Variants in TRIO observed in about 807,000 individuals in gnomAD.
TRIO encodes the protein triple functional domain protein.
Under a neutral mutation model 351.9 loss-of-function variants are expected in TRIO, and 58 were observed. The observed-to-expected ratio is 0.16, with a 90% CI of 0.13 to 0.21. The LOEUF (loss-of-function observed/expected upper bound fraction) is 0.21. TRIO is among the 10% of genes least tolerant of loss of function. The pLI is 1.00. For synonymous variants in TRIO, 1,758 were observed against 1,595.7 expected (o/e 1.10, Z -2.42); for missense variants, 3,201 against 4,027.8 (o/e 0.79, Z 5.56).
intron 18 of TRIO, 93 bp from the exon 19 acceptor site, chr5:14,374,136 G>T: frequency 3.7e-6 from 3 of 815,894 alleles, no homozygotes; most frequent in Non-Finnish European, 5.8e-6. Flanking sequence ...AATATTTTAG[G>T]TAAAGACATA....
At chr5:14,445,444 C>T (rs1318017144) in intron 34 of TRIO, among the ~76,000 whole-genome samples, 1 of 152,192 alleles carries the variant, frequency 6.6e-6, no homozygotes, top group Non-Finnish European at 1.5e-5. Flanking sequence ...TCACGTTGGA[C>T]ACATCTTCTA....
Position 14,297,115 on chromosome 5 carries a change from G to T in TRIO, c.1220G>T (p.Arg407Leu), listed in dbSNP as rs775000376. 2.2e-5 allele frequency: 36 copies of T among 1,613,944 alleles called. No homozygotes were observed. ...NINRIMSVAN[R>L]LVESGHYASQ... ...AACCGCATCATGTCGGTGGCCAATCGTCTGGTGGAGTCTGGCCACTATGCC... is the reference window on the plus strand; with the variant it reads ...AACCGCATCATGTCGGTGGCCAATCTTCTGGTGGAGTCTGGCCACTATGCC... Residue 407 changes from arginine to leucine, a missense_variant, in exon 7 of 57, where the codon CGT becomes CTT. Around this residue, in one of 19 missense-constraint regions of TRIO, gnomAD observed 349 missense variants for 449.3 expected, o/e 0.78. Coordinates refer to ENST00000344204, the MANE Select transcript of TRIO (RefSeq NM_007118.4).
intron 1 of TRIO, among the ~76,000 whole-genome samples, chr5:14,167,337 C>G (rs1396521805): frequency 6.6e-6 from 1 of 151,848 alleles, no homozygotes; most frequent in Non-Finnish European, 1.5e-5. Flanking sequence ...GCCCTGTCTC[C>G]CCATTTCCAT....
At chr5:14,261,675 C>A (rs1795352726) in intron 1 of TRIO, among the ~76,000 whole-genome samples, 1 of 152,198 alleles carries the variant, frequency 6.6e-6, no homozygotes, top group African/African-American at 2.4e-5. Flanking sequence ...GACACCACTT[C>A]CCTGAAGGCT....
chr5:14,371,960 C>A (rs1005322468), intron 18 of TRIO, among the ~76,000 whole-genome samples: 1 of 152,134 alleles, frequency 6.6e-6, no homozygotes, highest in African/African-American at 2.4e-5. Flanking sequence ...TCTTTTTATA[C>A]ATGGTTTTAA....
chr5:14,168,150 G>A (rs983700443), intron 1 of TRIO, among the ~76,000 whole-genome samples: 8 of 152,118 alleles, frequency 5.3e-5, no homozygotes, highest in Non-Finnish European at 8.8e-5. Flanking sequence ...GAAAAATGGC[G>A]GTGTTCACAG....
intron 33 of TRIO, among the ~76,000 whole-genome samples, chr5:14,410,608 G>C (rs1749117049): frequency 2.6e-5 from 4 of 152,204 alleles, no homozygotes; most frequent in African/African-American, 9.6e-5. Context: ...CTTAATTTAT[G>C]ATGTCTGTTA....
At chr5:14,409,630 C>T (rs924416728) in intron 33 of TRIO, among the ~76,000 whole-genome samples, 6 of 151,946 alleles carry the variant, frequency 3.9e-5, no homozygotes, top group Non-Finnish European at 7.4e-5. Flanking sequence ...GTCAGGAGAT[C>T]GAGACCATCC....
chr5:14,388,988 T>C (rs1746809446), intron 24 of TRIO, among the ~76,000 whole-genome samples: 1 of 152,224 alleles, frequency 6.6e-6, no homozygotes, highest in African/African-American at 2.4e-5. Context: ...GCCTACTAAT[T>C]ATGACTGGCA....
chr5:14,261,192 T>C (rs1795320686), intron 1 of TRIO, among the ~76,000 whole-genome samples: 1 of 152,226 alleles, frequency 6.6e-6, no homozygotes, highest in African/African-American at 2.4e-5. Flanking sequence ...TCAGTTCCTT[T>C]TTCTTCTGGA....
chr5:14,186,834 T>G (rs1030078530), intron 1 of TRIO, among the ~76,000 whole-genome samples: 1 of 152,252 alleles, frequency 6.6e-6, no homozygotes, highest in African/African-American at 2.4e-5. Flanking sequence ...TGTCTCGGCC[T>G]CCCAAAATGC....
intron 4 of TRIO, 37 bp from the exon 5 acceptor site, chr5:14,290,679 G>T (rs1000544864): frequency 6.5e-7 from 1 of 1,544,104 alleles, no homozygotes; most frequent in Admixed American, 2.0e-5. Context: ...ATATAAAATT[G>T]GTTCATCTTC....
Position 14,488,178 on chromosome 5 carries a change from C to G in TRIO, c.7550C>G (p.Ala2517Gly). 2 of 1,601,442 alleles carry G rather than the reference C, an allele frequency of 1.2e-6. No individual in the cohort carries two copies. Among genetic ancestry groups the G allele is most frequent in the Non-Finnish European group, 1.7e-6 (2 of 1,178,916 alleles). ...CTCCAGCGGCAGACACCCCGCCACG[C>G]GGCCCCTGGCAAGGATACTGACCGC... ...DSLQRQTPRH[A>G]APGKDTDRMS... Residue 2517 changes from alanine to glycine, a missense_variant, in exon 48 of 57, where the codon GCG (alanine) becomes GGG (glycine). Coordinates refer to ENST00000344204, the MANE Select transcript of TRIO (RefSeq NM_007118.4).
At chr5:14,155,575 C>T (rs1324778851) in intron 1 of TRIO, among the ~76,000 whole-genome samples, 1 of 152,160 alleles carries the variant, frequency 6.6e-6, no homozygotes, top group African/African-American at 2.4e-5. Context: ...CAGCCTGTCT[C>T]CCTTGTTACC....
chr5:14,362,071 AC>A (rs1744199511), intron 13 of TRIO, among the ~76,000 whole-genome samples: 3 of 152,188 alleles, frequency 2.0e-5, no homozygotes. Context: ...GGGAGATTGC[AC>A]CATTGCACTC....
chr5:14,237,109 T>C (rs1344741435), intron 1 of TRIO, among the ~76,000 whole-genome samples: 1 of 152,212 alleles, frequency 6.6e-6, no homozygotes, highest in Admixed American at 6.5e-5. Context: ...ACAGGTTGAG[T>C]ATCACTTATC....
chr5:14,373,514 G>T (rs1251932565), intron 18 of TRIO, among the ~76,000 whole-genome samples: 6 of 151,834 alleles, frequency 4.0e-5, no homozygotes, highest in South Asian at 2.1e-4. Context: ...ATAATTAAAG[G>T]GTTTTTTCCT....
intron 1 of TRIO, among the ~76,000 whole-genome samples, chr5:14,236,229 G>A (rs1163527140): frequency 1.3e-5 from 2 of 151,638 alleles, no homozygotes; most frequent in Non-Finnish European, 2.9e-5. Context: ...TATGATTAAC[G>A]GTATTTTCTT....
At chr5:14,356,066 C>T (rs114837392) in intron 11 of TRIO, among the ~76,000 whole-genome samples, 3,227 of 152,246 alleles carry the variant, frequency 0.021, 108 homozygotes, top group African/African-American at 0.073. Flanking sequence ...TTAATATTTT[C>T]AGTAAAATTA....
Sources: allele counts gnomAD v4.1 joint callset (sites outside exome capture counted in the v4.1 genomes callset), GRCh38; gene constraint gnomAD v4.1.1; regional missense constraint gnomAD v4.1.1; transcripts MANE v1.5; gene names NCBI Gene and HGNC (gene_info 2026-07-23, HGNC 2026-07-21).